The following APBB2 variants were observed in gnomAD, a reference collection of about 807,000 sequenced individuals.
APBB2 encodes Fe65-like 1.
In APBB2, 38 loss-of-function variants were observed where a neutral mutation model predicts 82.5. The observed-to-expected ratio is 0.46, with a 90% CI of 0.36 to 0.60. APBB2 has a LOEUF of 0.60. Among genes scored for constraint, APBB2 ranks in the 20% least tolerant of loss-of-function variants. The pLI, the probability that APBB2 is intolerant of heterozygous loss-of-function variation, is 0.00. For synonymous variants in APBB2, 341 were observed against 368.2 expected, an observed-to-expected ratio of 0.93 and a Z score of 0.85; for missense variants, 772 against 972.3, an observed-to-expected ratio of 0.79 and a Z score of 2.74.
chr4:41,179,790 A>C (rs1770828345), intron 1 of APBB2, among the ~76,000 whole-genome samples: 2 of 152,252 alleles, frequency 1.3e-5, no homozygotes. Flanking sequence ...TTATTTAAAA[A>C]TTCCCAAAAC....
chr4:41,153,964 AAAATAT>A (rs1404334483), intron 1 of APBB2, among the ~76,000 whole-genome samples: 1 of 152,204 alleles, frequency 6.6e-6, no homozygotes, highest in Non-Finnish European at 1.5e-5. Flanking sequence ...CTTCATAATA[AAAATAT>A]TTATTACTGA....
At chr4:41,102,598 T>C (rs1381639481) in intron 2 of APBB2, among the ~76,000 whole-genome samples, 1 of 152,212 alleles carries the variant, frequency 6.6e-6, no homozygotes, top group Non-Finnish European at 1.5e-5. Context: ...TTACACAGAA[T>C]GAACACAGTC....
At chr4:40,919,943 C>G (rs1447593172) in intron 10 of APBB2, among the ~76,000 whole-genome samples, 1 of 152,168 alleles carries the variant, frequency 6.6e-6, no homozygotes, top group Non-Finnish European at 1.5e-5. Flanking sequence ...ATTGCTGCTC[C>G]TGCTTCATCA....
chr4:40,978,445 C>T (rs911815493), intron 6 of APBB2, among the ~76,000 whole-genome samples: 4 of 152,028 alleles, frequency 2.6e-5, no homozygotes, highest in African/African-American at 9.7e-5. Flanking sequence ...AGCCTGAATA[C>T]AAACCACTAG....
chr4:41,111,055 C>T (rs186984284), intron 2 of APBB2, among the ~76,000 whole-genome samples: 4 of 152,192 alleles, frequency 2.6e-5, no homozygotes, highest in Non-Finnish European at 5.9e-5. Flanking sequence ...ATTCTCATAA[C>T]GAGTGGGCAA....
rs1386184795 is a variant in APBB2 at position 40,977,097 on chromosome 4, G to C, written c.836-32024C>G. Reference sequence around the variant, plus strand: ...TTAAAGAACTGAAATGGTTATTACTGATACAAAGGAAATGCACTGTCCATC... The same window carrying C: ...TTAAAGAACTGAAATGGTTATTACTCATACAAAGGAAATGCACTGTCCATC... On this transcript the variant is annotated intron_variant, in intron 6 of 17. Transcript: ENST00000508593. 2.0e-5 allele frequency among the ~76,000 whole-genome samples: 3 copies of C among 152,026 alleles called. No homozygotes were observed. In the East Asian group the frequency reaches 5.8e-4, roughly 29 times the overall value.
chr4:41,080,954 G>A (rs1321808144), intron 3 of APBB2, among the ~76,000 whole-genome samples: 1 of 152,118 alleles, frequency 6.6e-6, no homozygotes, highest in Non-Finnish European at 1.5e-5. Context: ...GTTTCACCAT[G>A]TAGGCCAGGC....
intron 6 of APBB2, among the ~76,000 whole-genome samples, chr4:40,988,137 A>G (rs998009270): frequency 6.6e-6 from 1 of 152,234 alleles, no homozygotes; most frequent in Non-Finnish European, 1.5e-5. Flanking sequence ...TGCCCCAAGG[A>G]TAACTCAAAG....
chr4:41,125,603 T>A (rs1199165950), intron 2 of APBB2, among the ~76,000 whole-genome samples: 1 of 152,166 alleles, frequency 6.6e-6, no homozygotes, highest in Non-Finnish European at 1.5e-5. Flanking sequence ...TGAAAACAGA[T>A]CTATTGGAAT....
intron 4 of APBB2, among the ~76,000 whole-genome samples, chr4:41,052,594 G>A (rs1303721556): frequency 1.3e-5 from 2 of 152,128 alleles, no homozygotes; most frequent in African/African-American, 4.8e-5. Flanking sequence ...AACAGTTTCT[G>A]TGGTCCTGTT....
chr4:41,027,401 A>ATATG (rs1714854045), intron 5 of APBB2, among the ~76,000 whole-genome samples: 1 of 119,484 alleles, frequency 8.4e-6, no homozygotes, highest in Non-Finnish European at 1.8e-5. Flanking sequence ...ATATATATAT[A>ATATG]TATAACATTT....
At chr4:41,167,284 T>C (rs1277704452) in intron 1 of APBB2, among the ~76,000 whole-genome samples, 2 of 152,208 alleles carry the variant, frequency 1.3e-5, no homozygotes, top group Admixed American at 6.5e-5. Flanking sequence ...GGCTCCATTA[T>C]GTAGGCATGA....
intron 1 of APBB2, among the ~76,000 whole-genome samples, chr4:41,190,087 AT>A (rs5857782): frequency 0.066 from 10,037 of 151,914 alleles, 413 homozygotes; most frequent in African/African-American, 0.11. Context: ...ACGTGCTATT[AT>A]TTTTTTTCAT....
chr4:41,067,499 A>C (rs1425833432), intron 3 of APBB2, among the ~76,000 whole-genome samples: 1 of 152,162 alleles, frequency 6.6e-6, no homozygotes, highest in Non-Finnish European at 1.5e-5. Context: ...CTGGAGAAGC[A>C]GCTTGAGAAA....
At chr4:40,945,239 A>T (rs940522848) in intron 6 of APBB2, among the ~76,000 whole-genome samples, 166 bp from the exon 7 acceptor site, 1 of 152,192 alleles carries the variant, frequency 6.6e-6, no homozygotes, top group Non-Finnish European at 1.5e-5. Flanking sequence ...GTGTGGCTGT[A>T]CTTGGTAAAA....
chr4:40,876,051 C>T (rs972830952), intron 12 of APBB2, among the ~76,000 whole-genome samples: 2 of 152,160 alleles, frequency 1.3e-5, no homozygotes, highest in Non-Finnish European at 2.9e-5. Flanking sequence ...TTCTTGAAAG[C>T]ACAAGTGCTT....
chr4:41,126,207 G>A (rs969613725), intron 2 of APBB2, among the ~76,000 whole-genome samples: 2 of 146,508 alleles, frequency 1.4e-5, no homozygotes, highest in African/African-American at 2.5e-5. Context: ...TAGTGAGATC[G>A]TGTCTCTACA....
chr4:40,845,956 C>T (rs1757424108), intron 12 of APBB2, among the ~76,000 whole-genome samples: 1 of 112,998 alleles, frequency 8.8e-6, no homozygotes, highest in Non-Finnish European at 1.7e-5. Context: ...TTATTTTTTC[C>T]CTCCAGCTTC....
At chr4:40,934,577 A>G in intron 9 of APBB2, 37 bp downstream of exon 9, 1 of 1,611,138 alleles carries the variant, frequency 6.2e-7, no homozygotes, top group Non-Finnish European at 8.5e-7. Context: ...GCACAAAGCC[A>G]TACATTGACA....
Sources: gnomAD v4.1 joint callset for allele counts (sites outside exome capture counted in the v4.1 genomes callset) on GRCh38, gnomAD v4.1.1 for gene constraint, MANE v1.5 for transcripts, NCBI Gene and HGNC (gene_info 2026-07-23, HGNC 2026-07-21) for gene names.